Variants in EAPP observed in about 807,000 individuals in gnomAD.
EAPP encodes the protein E2F associated phosphoprotein.
Under a neutral mutation model 34.3 loss-of-function variants are expected in EAPP, and 38 were observed. That is an observed-to-expected ratio of 1.11 (90% CI 0.85 to 1.45). EAPP has a LOEUF of 1.45. Ranked by LOEUF, EAPP falls within the 40% of genes most tolerant of loss-of-function variation. EAPP has a pLI of 0.00. For missense variants in EAPP, 338 were observed against 343.7 expected (o/e 0.98, Z 0.13); for synonymous variants, 113 against 117.6 (o/e 0.96, Z 0.25).
chr14:34,520,674 T>A (rs957746300), intron 5 of EAPP, among the ~76,000 whole-genome samples: 1 of 151,980 alleles, frequency 6.6e-6, no homozygotes, highest in Non-Finnish European at 1.5e-5. Flanking sequence ...GCTAATTTTT[T>A]AATATTTTTA....
chr14:34,532,649 T>C (rs1267690165), intron 3 of EAPP, among the ~76,000 whole-genome samples: 1 of 151,116 alleles, frequency 6.6e-6, no homozygotes, highest in Non-Finnish European at 1.5e-5. Context: ...GTTGGTGCCA[T>C]GTCCTCACAT....
intron 5 of EAPP, among the ~76,000 whole-genome samples, chr14:34,523,323 C>T (rs1393329267): frequency 2.0e-5 from 3 of 150,822 alleles, no homozygotes; most frequent in Non-Finnish European, 4.4e-5. Flanking sequence ...CTGTAAGCTC[C>T]GCCTCCTGGG....
intron 5 of EAPP, among the ~76,000 whole-genome samples, chr14:34,523,865 A>G (rs1006283275): frequency 8.5e-5 from 13 of 152,138 alleles, no homozygotes; most frequent in African/African-American, 3.1e-4. Context: ...TACATTTAAT[A>G]TAACTATATA....
chr14:34,535,217 C>T (rs1411309490), intron 2 of EAPP, among the ~76,000 whole-genome samples: 3 of 150,626 alleles, frequency 2.0e-5, no homozygotes, highest in Non-Finnish European at 4.4e-5. Flanking sequence ...GCAACCTCCG[C>T]CTTCCGGGTT....
intron 3 of EAPP, among the ~76,000 whole-genome samples, 184 bp from the exon 4 acceptor site, chr14:34,529,659 C>T (rs966157438): frequency 6.6e-6 from 1 of 152,132 alleles, no homozygotes; most frequent in African/African-American, 2.4e-5. Flanking sequence ...GTGGGTGGAT[C>T]ACCTGACGTC....
Position 34,536,119 on chromosome 14 carries a change from C to T in EAPP, c.231G>A (p.Glu77=). The change falls in exon 2 of 6, where the codon GAG becomes GAA. Residue 77 remains glutamate, a synonymous_variant. Transcript: ENST00000250454. ...AELNSTMKTM[E]DKLSSLGTGS... is the part of the protein sequence containing the mutation. Reference sequence around the variant, plus strand: ...CAGTTCCCAGAGAGGATAACTTGTCCTCCATTGTTTTCATGGTAGAATTTA... The same window carrying T: ...CAGTTCCCAGAGAGGATAACTTGTCTTCCATTGTTTTCATGGTAGAATTTA... 6.2e-7 allele frequency: 1 copy of T among 1,610,858 alleles called. No homozygotes were observed. The highest frequency in any genetic ancestry group is 8.5e-7 in the Non-Finnish European group (1 of 1,179,086).
chr14:34,536,851 T>C (rs1165514835), intron 1 of EAPP, among the ~76,000 whole-genome samples: 1 of 151,820 alleles, frequency 6.6e-6, no homozygotes, highest in Admixed American at 6.6e-5. Flanking sequence ...GTAGCTGGGA[T>C]TACAGGATTC....
rs1301242221 is a variant in EAPP at position 34,536,168 on chromosome 14, A to T, written c.182T>A (p.Phe61Tyr). 1.9e-6 allele frequency: 3 copies of T among 1,613,140 alleles called. No individual in the cohort carries two copies. The highest frequency in any genetic ancestry group is 2.5e-6 in the Non-Finnish European group (3 of 1,179,708). Residue 61 changes from phenylalanine to tyrosine, a missense_variant, in exon 2 of 6, where the codon TTT becomes TAT. Coordinates refer to ENST00000250454, the MANE Select transcript of EAPP (RefSeq NM_018453.4). ...TAATTCAGCTTCCATCTCCTTTTCAAATTCATCTTCACTAGATGATTCACT... is the reference window on the plus strand; with the variant it reads ...TAATTCAGCTTCCATCTCCTTTTCATATTCATCTTCACTAGATGATTCACT... ...GESESSSEDE[F>Y]EKEMEAELNS...
intron 3 of EAPP, among the ~76,000 whole-genome samples, chr14:34,530,578 C>CTAATAATGTCATTT (rs1177140990): frequency 6.6e-6 from 1 of 151,744 alleles, no homozygotes; most frequent in Non-Finnish European, 1.5e-5. Flanking sequence ...TCTTCTCCAA[C>CTAATAATGTCATTT]TAATAAGGCA....
At chr14:34,536,008 G>A in intron 2 of EAPP, 86 bp downstream of exon 2, 1 of 928,100 alleles carries the variant, frequency 1.1e-6, no homozygotes, top group Non-Finnish European at 1.6e-6. Flanking sequence ...CCTACTGAAA[G>A]TGCTGGGAAC....
intron 5 of EAPP, among the ~76,000 whole-genome samples, chr14:34,518,736 G>C (rs887307965): frequency 6.6e-6 from 1 of 152,044 alleles, no homozygotes; most frequent in Non-Finnish European, 1.5e-5. Context: ...CCTTTATATA[G>C]TAAACTTCTT....
At chr14:34,533,759 T>C (rs182886929) in intron 2 of EAPP, among the ~76,000 whole-genome samples, 1 of 152,338 alleles carries the variant, frequency 6.6e-6, no homozygotes, top group Admixed American at 6.5e-5. Context: ...GAGAAAATTC[T>C]TCTCTCTCCC....
At chr14:34,533,180 G>A (rs12147173) in intron 3 of EAPP, among the ~76,000 whole-genome samples, 52,548 of 151,880 alleles carry the variant, frequency 0.35, 9,359 homozygotes, top group Non-Finnish European at 0.4. Context: ...GACTACAGGC[G>A]TGCACCACCA....
intron 5 of EAPP, among the ~76,000 whole-genome samples, chr14:34,521,313 C>A (rs771424476): frequency 2.6e-5 from 4 of 152,010 alleles, no homozygotes; most frequent in Non-Finnish European, 5.9e-5. Flanking sequence ...TCAGGTGATC[C>A]ACCCACCTCC....
At chr14:34,520,588 G>A (rs1346890853) in intron 5 of EAPP, among the ~76,000 whole-genome samples, 1 of 151,890 alleles carries the variant, frequency 6.6e-6, no homozygotes, top group Non-Finnish European at 1.5e-5. Context: ...TGCAACCTGT[G>A]CCTCCCAGGT....
chr14:34,535,812 A>G (rs1033028293), intron 2 of EAPP: 4 of 262,376 alleles, frequency 1.5e-5, no homozygotes, highest in African/African-American at 9.0e-5. Flanking sequence ...TGGGAAGATC[A>G]TTTGAGCCCA....
In EAPP at chr14:34,536,389, T is replaced by G. The variant is rs923894973; in HGVS notation, c.75-114A>C. 28 of 744,784 alleles carry G rather than the reference T, an allele frequency of 3.8e-5. No homozygotes were observed. The African/African-American group carries it at 5.0e-4, about 13-fold the overall frequency. 46.1% of individuals were successfully genotyped at this position (744,784 alleles called of 1,614,324 possible). On this transcript the variant is annotated intron_variant, in intron 1 of 5. Coordinates refer to ENST00000250454, the MANE Select transcript of EAPP (RefSeq NM_018453.4). ...TTAAGTATTACATGGTTACATTTGA[T>G]GTACTTATACATTACATATAGCTAT...
intron 3 of EAPP, 25 bp from the exon 4 acceptor site, chr14:34,529,500 G>A (rs1002199206): frequency 2.8e-6 from 4 of 1,431,984 alleles, no homozygotes; most frequent in Middle Eastern, 1.7e-4. Flanking sequence ...ATTAGGATAT[G>A]GCTAAGAATC....
chr14:34,527,302 T>A (rs933968699), intron 4 of EAPP, among the ~76,000 whole-genome samples: 1 of 151,802 alleles, frequency 6.6e-6, no homozygotes. Context: ...ACCTCTCTAT[T>A]AAAAAAATTT....
Sources: allele counts gnomAD v4.1 joint callset (sites outside exome capture counted in the v4.1 genomes callset), GRCh38; gene constraint gnomAD v4.1.1; transcripts MANE v1.5; gene names NCBI Gene and HGNC (gene_info 2026-07-23, HGNC 2026-07-21).